The following SLC7A1 variants were observed in gnomAD, a reference collection of about 807,000 sequenced individuals.
The protein encoded by SLC7A1 is solute carrier family 7 member 1.
A neutral mutation model predicts 53.9 loss-of-function variants in SLC7A1; 10 were observed. The observed-to-expected ratio is 0.19, with a 90% CI of 0.11 to 0.31. SLC7A1 has a LOEUF of 0.31. SLC7A1 is among the 10% of genes least tolerant of loss of function. The pLI is 1.00. For synonymous variants in SLC7A1, 342 were observed against 338.7 expected (o/e 1.01, Z -0.11); for missense variants, 525 against 827.2 (o/e 0.63, Z 4.48).
chr13:29,594,989 G>A (rs1007413992), intron 1 of SLC7A1, among the ~76,000 whole-genome samples: 4 of 151,954 alleles, frequency 2.6e-5, no homozygotes, highest in Non-Finnish European at 5.9e-5. Flanking sequence ...TGTAAGGGAA[G>A]GTCTCCTCGC....
In SLC7A1 at chr13:29,537,799, G is replaced by A. The variant is rs147413649; in HGVS notation, c.-14-1597C>T. 2.8e-3 allele frequency among the ~76,000 whole-genome samples: 434 copies of A among 152,300 alleles called. 2 individuals are homozygous for A. Among genetic ancestry groups the A allele is most frequent in the Admixed American group, 4.6e-3 (70 of 15,294 alleles). On this transcript the variant is annotated intron_variant, in intron 2 of 12. Transcript: ENST00000380752. ...AGGTACACACAAAAAATCACCAATC[G>A]TTCATGTTGATCATCAGTTGGTATT...
chr13:29,514,352 C>A lies in SLC7A1; in HGVS notation c.*128G>T. On this transcript the variant is annotated 3_prime_UTR_variant, in exon 13 of 13. Coordinates refer to ENST00000380752, the MANE Select transcript of SLC7A1 (RefSeq NM_003045.5). Reference sequence around the variant, plus strand: ...TGGGGCTGCAGGTCAAGTAATTGCACCTTTGGCTGCAGTGAGGGTGTGGAC... The same window carrying A: ...TGGGGCTGCAGGTCAAGTAATTGCAACTTTGGCTGCAGTGAGGGTGTGGAC... The A allele has an allele frequency of 1.5e-6, 1 of 659,634 alleles. No homozygotes were observed. Among genetic ancestry groups the A allele is most frequent in the Non-Finnish European group, 2.7e-6 (1 of 375,910 alleles). 40.9% of individuals were successfully genotyped at this position (659,634 alleles called of 1,614,324 possible). A position where few individuals can be genotyped will look rare whatever the true frequency, so the allele number is the denominator to read the frequency against.
chr13:29,543,111 G>A (rs1047177724), intron 2 of SLC7A1, among the ~76,000 whole-genome samples: 12 of 152,334 alleles, frequency 7.9e-5, no homozygotes, highest in African/African-American at 2.9e-4. Flanking sequence ...GGAAAGCACA[G>A]AGTGGTGGGG....
chr13:29,586,563 T>C (rs1300039397), intron 1 of SLC7A1, among the ~76,000 whole-genome samples: 1 of 152,190 alleles, frequency 6.6e-6, no homozygotes, highest in East Asian at 1.9e-4. Flanking sequence ...ACTGGCTACA[T>C]AGTATTCTAA....
intron 12 of SLC7A1, among the ~76,000 whole-genome samples, chr13:29,515,715 A>C (rs1039543288): frequency 6.6e-6 from 1 of 152,198 alleles, no homozygotes; most frequent in Admixed American, 6.5e-5. Context: ...GGCATCTCCC[A>C]TAGGCTCCAA....
chr13:29,552,588 G>A (rs1009909737), intron 2 of SLC7A1, among the ~76,000 whole-genome samples: 4 of 152,120 alleles, frequency 2.6e-5, no homozygotes, highest in Admixed American at 2.6e-4. Flanking sequence ...CACCGAGGAT[G>A]GAAAACCGCT....
At chr13:29,570,466 C>G (rs989139875) in intron 1 of SLC7A1, among the ~76,000 whole-genome samples, 1 of 152,144 alleles carries the variant, frequency 6.6e-6, no homozygotes, top group Non-Finnish European at 1.5e-5. Context: ...CACCCACACC[C>G]GCCCCCCTAC....
intron 1 of SLC7A1, among the ~76,000 whole-genome samples, chr13:29,587,554 T>G (rs1449480019): frequency 1.3e-5 from 2 of 152,192 alleles, no homozygotes; most frequent in Non-Finnish European, 2.9e-5. Flanking sequence ...ATGGGGCCAG[T>G]GCTGTTTCCC....
At position 29,511,341 on chromosome 13, in the gene SLC7A1, CT is replaced by C. The variant is rs1181709398; in HGVS notation, c.*3138del. On this transcript the variant is annotated 3_prime_UTR_variant, in exon 13 of 13. Coordinates refer to ENST00000380752, the MANE Select transcript of SLC7A1 (RefSeq NM_003045.5). ...GTCACAGTGGAAAGAGTTTTTACTG[CT>C]GCAAAAACCAAAAGTGGGGGGAGAT... The C allele has an allele frequency of 6.6e-6, 1 of 152,248 alleles. No homozygotes were observed. The highest frequency in any genetic ancestry group is 1.5e-5 in the Non-Finnish European group (1 of 68,078). The allele number at this position is 152,248 out of a possible 1,614,324, so 9.4% of individuals were successfully genotyped here.
At chr13:29,531,335 CTA>C (rs3066085) in intron 4 of SLC7A1, among the ~76,000 whole-genome samples, 40,404 of 151,544 alleles carry the variant, frequency 0.27, 6,120 homozygotes, top group African/African-American at 0.42. Context: ...TTAAAGAAAA[CTA>C]TAAGTAATAA....
At chr13:29,591,425 C>A (rs1036241376) in intron 1 of SLC7A1, among the ~76,000 whole-genome samples, 4 of 152,202 alleles carry the variant, frequency 2.6e-5, no homozygotes, top group African/African-American at 9.7e-5. Flanking sequence ...TCCTTTGACC[C>A]CACAGCGTAG....
intron 12 of SLC7A1, among the ~76,000 whole-genome samples, chr13:29,515,689 A>G (rs1593537352): frequency 6.6e-6 from 1 of 152,306 alleles, no homozygotes; most frequent in South Asian, 2.1e-4. Context: ...CTCATGTGGA[A>G]GCTCCCCACC....
Position 29,514,229 on chromosome 13 carries a change from G to A in SLC7A1, c.*251C>T, listed in dbSNP as rs1472820437. On this transcript the variant is annotated 3_prime_UTR_variant, in exon 13 of 13. Transcript: ENST00000380752. Reference sequence around the variant, plus strand: ...GGAACTGCTTTGTTCAGAGAAGTGAGGAGACACAGTGGCCAGCCGCAGCCT... The same window carrying A: ...GGAACTGCTTTGTTCAGAGAAGTGAAGAGACACAGTGGCCAGCCGCAGCCT... The A allele has an allele frequency of 1.5e-5, 8 of 544,090 alleles. No homozygotes were observed. Among genetic ancestry groups the A allele is most frequent in the African/African-American group, 3.8e-5 (2 of 52,724 alleles). 33.7% of individuals were successfully genotyped at this position (544,090 alleles called of 1,614,324 possible).
chr13:29,583,415 C>A (rs73454238), intron 1 of SLC7A1, among the ~76,000 whole-genome samples: 6,433 of 152,282 alleles, frequency 0.042, 433 homozygotes, highest in African/African-American at 0.15. Context: ...CTTCACACAG[C>A]AGGACACTTT....
In SLC7A1 at chr13:29,517,209, G is replaced by C; in HGVS notation, c.1612C>G (p.Leu538Val). The C allele has an allele frequency of 6.2e-7, 1 of 1,613,388 alleles. No homozygotes were observed. The highest frequency in any genetic ancestry group is 2.2e-5 in the East Asian group (1 of 44,880). ...AVFLLAGSAL[L>V]CAVVTGVIWR... ...ATGACGCCCGTGACCACGGCACAGA[G>C]GAGGGCAGACCCTGCGAGCAGAAAG... The change falls in exon 11 of 13, where the codon CTC becomes GTC. Residue 538 changes from leucine (L) to valine (V), a missense_variant. Physicochemically the swap from Leu to Val is conservative, Grantham distance 32. Around this residue, in one of 4 missense-constraint regions of SLC7A1, gnomAD observed 122 missense variants for 140.9 expected, o/e 0.87. Coordinates refer to ENST00000380752, the MANE Select transcript of SLC7A1 (RefSeq NM_003045.5).
intron 1 of SLC7A1, among the ~76,000 whole-genome samples, chr13:29,556,752 A>T (rs1870457139): frequency 6.6e-6 from 1 of 152,098 alleles, no homozygotes; most frequent in African/African-American, 2.4e-5. Flanking sequence ...AGTCCTCCAT[A>T]CTCTTTAAGG....
intron 1 of SLC7A1, among the ~76,000 whole-genome samples, chr13:29,590,021 CT>C (rs1872044618): frequency 6.6e-6 from 1 of 152,232 alleles, no homozygotes; most frequent in African/African-American, 2.4e-5. Flanking sequence ...TTCCTTCCTA[CT>C]TGGCCTAACA....
intron 2 of SLC7A1, among the ~76,000 whole-genome samples, chr13:29,551,420 C>G (rs1048766235): frequency 2.0e-5 from 3 of 152,198 alleles, no homozygotes; most frequent in African/African-American, 7.2e-5. Flanking sequence ...TTCTCTTCAA[C>G]AGGAAAAGAT....
Position 29,591,000 on chromosome 13 carries a change from C to CCTCAGAG in SLC7A1, c.-115+4409_-115+4415dup, listed in dbSNP as rs747147314. Among the ~76,000 whole-genome samples, 66 of 152,126 alleles carry CCTCAGAG rather than the reference C, an allele frequency of 4.3e-4. No homozygotes were observed. In the Middle Eastern group the frequency reaches 0.01, roughly 24 times the overall value. On this transcript the variant is annotated intron_variant, in intron 1 of 12. Transcript: ENST00000380752. The stretch of plus-strand genomic sequence containing the variant: ...TGGTACACACCTATGGTTCCAGGTA[C>CCTCAGAG]CTCAGAGGCTGAGGTGGGAGGATCG...
Sources: allele counts gnomAD v4.1 joint callset (sites outside exome capture counted in the v4.1 genomes callset), GRCh38; gene constraint gnomAD v4.1.1; regional missense constraint gnomAD v4.1.1; transcripts MANE v1.5; gene names NCBI Gene and HGNC (gene_info 2026-07-23, HGNC 2026-07-21).